ATG7: variants seen among roughly 807,000 people sequenced by gnomAD.
ATG7 encodes ubiquitin-like modifier-activating enzyme ATG7.
A neutral mutation model predicts 82.4 loss-of-function variants in ATG7; 70 were observed. The observed-to-expected ratio is 0.85, with a 90% CI of 0.70 to 1.04. The LOEUF (loss-of-function observed/expected upper bound fraction) is 1.04, where lower values mean the gene tolerates loss of function less well. Ranked by LOEUF, ATG7 falls within the 50% of genes least tolerant of loss-of-function variation. The pLI, the probability that ATG7 is intolerant of heterozygous loss-of-function variation, is 0.00. For missense variants in ATG7, 792 were observed against 864.3 expected, an observed-to-expected ratio of 0.92 and a Z score of 1.05; for synonymous variants, 287 against 313.0, an observed-to-expected ratio of 0.92 and a Z score of 0.88.
At chr3:11,452,649 A>G (rs1268418574) in intron 20 of ATG7, among the ~76,000 whole-genome samples, 1 of 152,150 alleles carries the variant, frequency 6.6e-6, no homozygotes, top group Non-Finnish European at 1.5e-5. Flanking sequence ...ACCAGTTAAC[A>G]TGGTTTATTC....
rs554782917 is a variant in ATG7, at chr3:11,488,769, G to A, written c.2079+61843G>A. On this transcript the variant is annotated intron_variant, in intron 20 of 20. Transcript: ENST00000693202. Reference sequence around the variant, plus strand: ...GGATGAAGCCCACTTGATCATGGTGGATAGGCTTTTTGATGTGCTGCTGGA... The same window carrying A: ...GGATGAAGCCCACTTGATCATGGTGAATAGGCTTTTTGATGTGCTGCTGGA... 1.6e-4 allele frequency among the ~76,000 whole-genome samples: 24 copies of A among 152,318 alleles called. No individual in the cohort carries two copies. The South Asian group carries it at 4.8e-3, about 30-fold the overall frequency.
chr3:11,552,112 T>C (rs528066750), intron 20 of ATG7, among the ~76,000 whole-genome samples: 2 of 152,366 alleles, frequency 1.3e-5, no homozygotes, highest in East Asian at 3.9e-4. Context: ...AATTGGTTGT[T>C]GTCAATTTTA....
At chr3:11,563,768 T>C in the ATG7 span, among the ~76,000 whole-genome samples, 1 of 152,276 alleles carries the variant, frequency 6.6e-6, no homozygotes, top group African/African-American at 2.4e-5. Context: ...TGCCATTTTG[T>C]TAAATGGATG....
Position 11,282,276 on chromosome 3 carries a change from T to C in ATG7, c.-173T>C, listed in dbSNP as rs1216559426. On this transcript the variant is annotated 5_prime_UTR_variant, in exon 3 of 21. Transcript: ENST00000693202. The stretch of plus-strand genomic sequence containing the variant: ...ATGGACACCAGATTGCATGTGAAGG[T>C]GAAGGATATTATAGCAGAAGGAAAC... The C allele has an allele frequency of 6.6e-6, 1 of 152,006 alleles. No homozygotes were observed. The highest frequency in any genetic ancestry group is 1.5e-5 in the Non-Finnish European group (1 of 68,024). The allele number at this position is 152,006 out of a possible 1,614,324, so 9.4% of individuals were successfully genotyped here. A position where few individuals can be genotyped will look rare whatever the true frequency, so the allele number is the denominator to read the frequency against.
intron 20 of ATG7, among the ~76,000 whole-genome samples, chr3:11,435,398 T>C (rs2083281992): frequency 6.6e-6 from 1 of 152,160 alleles, no homozygotes; most frequent in African/African-American, 2.4e-5. Flanking sequence ...TGGCCATAAC[T>C]GGGTATGTTC....
At chr3:11,336,070 C>G (rs1027514154) in intron 11 of ATG7, among the ~76,000 whole-genome samples, 15 of 143,234 alleles carry the variant, frequency 1.0e-4, no homozygotes, top group African/African-American at 3.6e-4. Flanking sequence ...GAGACAGTCT[C>G]GCTCTGTTGC....
At chr3:11,320,998 C>CA (rs1409327945) in intron 9 of ATG7, among the ~76,000 whole-genome samples, 1 of 152,170 alleles carries the variant, frequency 6.6e-6, no homozygotes, top group Non-Finnish European at 1.5e-5. Flanking sequence ...TGACAGGAGA[C>CA]AGAATACAGG....
At chr3:11,513,378 G>A (rs2092149044) in intron 20 of ATG7, among the ~76,000 whole-genome samples, 2 of 152,236 alleles carry the variant, frequency 1.3e-5, no homozygotes, top group African/African-American at 4.8e-5. Flanking sequence ...CAGGTCCTGA[G>A]CCCTGCCCCG....
the ATG7 span, among the ~76,000 whole-genome samples, chr3:11,573,949 C>G: frequency 6.6e-6 from 1 of 152,162 alleles, no homozygotes; most frequent in Admixed American, 6.5e-5. Flanking sequence ...GATACAGTGA[C>G]AGACACATAC....
chr3:11,516,163 A>AG (rs570973251), intron 20 of ATG7, among the ~76,000 whole-genome samples: 107 of 152,256 alleles, frequency 7.0e-4, no homozygotes, highest in African/African-American at 2.5e-3. Context: ...CCAACTCATC[A>AG]GGGAAGATAT....
At chr3:11,417,460 CTGT>C (rs2081468167) in intron 19 of ATG7, among the ~76,000 whole-genome samples, 1 of 152,116 alleles carries the variant, frequency 6.6e-6, no homozygotes, top group Admixed American at 6.5e-5. Context: ...GCTTTGAAGT[CTGT>C]TCTATCTGAA....
chr3:11,303,677 A>G (rs1227086760), intron 5 of ATG7, among the ~76,000 whole-genome samples: 1 of 151,752 alleles, frequency 6.6e-6, no homozygotes, highest in African/African-American at 2.4e-5. Flanking sequence ...CTAAAAAAAA[A>G]AAAAGAATTT....
intron 20 of ATG7, among the ~76,000 whole-genome samples, chr3:11,434,687 C>A (rs1030037444): frequency 6.6e-6 from 1 of 152,070 alleles, no homozygotes; most frequent in Non-Finnish European, 1.5e-5. Flanking sequence ...TTGGATAAAT[C>A]GTTATTGGGG....
rs369377974 is a variant in ATG7, at chr3:11,490,549, G to A, written c.2079+63623G>A. 4.5e-3 allele frequency among the ~76,000 whole-genome samples: 679 copies of A among 152,284 alleles called. 5 individuals carry two copies. The highest frequency in any genetic ancestry group is 0.024 in the South Asian group (117 of 4,822). Reference sequence around the variant, plus strand: ...CTGGTTATTTTGCTCGTTAGTTGATGCAGTTTCTTCCTAGCCTCCATGGTC... The same window carrying A: ...CTGGTTATTTTGCTCGTTAGTTGATACAGTTTCTTCCTAGCCTCCATGGTC... On this transcript the variant is annotated intron_variant, in intron 20 of 20. Coordinates refer to ENST00000693202, the MANE Select transcript of ATG7 (RefSeq NM_001349232.2).
At chr3:11,443,312 C>T (rs2084182151) in intron 20 of ATG7, among the ~76,000 whole-genome samples, 1 of 152,192 alleles carries the variant, frequency 6.6e-6, no homozygotes, top group Admixed American at 6.5e-5. Context: ...TGGCTCACTC[C>T]TTACTACTAA....
intron 3 of ATG7, among the ~76,000 whole-genome samples, chr3:11,293,742 T>C (rs1945363128): frequency 6.6e-6 from 1 of 151,520 alleles, no homozygotes; most frequent in Admixed American, 6.6e-5. Context: ...TCCCAGCTAC[T>C]TGGGAGTCTG....
At position 11,371,556 on chromosome 3, in the gene ATG7, A is replaced by G. The variant is rs146805713; in HGVS notation, c.1875+6822A>G. Among the ~76,000 whole-genome samples, 788 of 151,074 alleles carry G rather than the reference A, an allele frequency of 5.2e-3. 29 individuals carry two copies. Among genetic ancestry groups the G allele is most frequent in the African/African-American group, 0.018 (755 of 40,980 alleles). Reference sequence around the variant, plus strand: ...GTCGTTTGGTCTTAAATCAGAAGACAGCCTAATCCAGGGATTCCCATACCT... The same window carrying G: ...GTCGTTTGGTCTTAAATCAGAAGACGGCCTAATCCAGGGATTCCCATACCT... On this transcript the variant is annotated intron_variant, in intron 18 of 20. Coordinates refer to ENST00000693202, the MANE Select transcript of ATG7 (RefSeq NM_001349232.2).
chr3:11,363,872 G>C (rs2076429172), intron 17 of ATG7, among the ~76,000 whole-genome samples: 1 of 152,194 alleles, frequency 6.6e-6, no homozygotes. Context: ...AATTGTGGTT[G>C]TATATGTAAC....
Position 11,360,575 on chromosome 3 carries a change from C to T in ATG7, c.1480-6C>T. On this transcript the variant is annotated splice_region_variant and splice_polypyrimidine_tract_variant and intron_variant, in intron 15 of 20. Coordinates refer to ENST00000693202, the MANE Select transcript of ATG7 (RefSeq NM_001349232.2). ...ACTCTGCTCTTTCATTCCTTGAAACCTGCAGCTGGTCATCAATGCTGCTTT... is the reference window on the plus strand; with the variant it reads ...ACTCTGCTCTTTCATTCCTTGAAACTTGCAGCTGGTCATCAATGCTGCTTT... 1.9e-6 allele frequency: 3 copies of T among 1,611,892 alleles called. No individual in the cohort carries two copies. The highest frequency in any genetic ancestry group is 2.2e-5 in the South Asian group (2 of 90,888).
Sources: gnomAD v4.1 joint callset for allele counts (sites outside exome capture counted in the v4.1 genomes callset) on GRCh38, gnomAD v4.1.1 for gene constraint, MANE v1.5 for transcripts, NCBI Gene and HGNC (gene_info 2026-07-23, HGNC 2026-07-21) for gene names.